Variants in TAF4B observed in about 807,000 individuals in gnomAD.
The protein encoded by TAF4B is transcription initiation factor TFIID subunit 4B.
A neutral mutation model predicts 86.4 loss-of-function variants in TAF4B; 38 were observed. The observed-to-expected ratio is 0.44, with a 90% confidence interval of 0.34 to 0.58. The LOEUF is 0.58. Among genes scored for constraint, TAF4B ranks in the 20% least tolerant of loss-of-function variants. The pLI is 0.02. For synonymous variants in TAF4B, 388 were observed against 391.2 expected (o/e 0.99, Z 0.10); for missense variants, 988 against 1,027.6 (o/e 0.96, Z 0.53).
intron 1 of TAF4B, among the ~76,000 whole-genome samples, chr18:26,248,156 G>A (rs1363773007): frequency 1.2e-4 from 4 of 34,554 alleles, no homozygotes; most frequent in African/African-American, 3.5e-4. Flanking sequence ...GATTACAGGC[G>A]TGAGCGACTG....
intron 14 of TAF4B, among the ~76,000 whole-genome samples, chr18:26,378,378 T>C (rs889086267): frequency 2.6e-5 from 4 of 152,198 alleles, no homozygotes; most frequent in African/African-American, 4.8e-5. Flanking sequence ...TACAAACATC[T>C]TTTCACATAA....
rs1441972669 is a variant in TAF4B at position 26,275,065 on chromosome 18, T to A, written c.882+12T>A. The A allele has an allele frequency of 1.3e-6, 2 of 1,591,308 alleles. No homozygotes were observed. Among genetic ancestry groups the A allele is most frequent in the African/African-American group, 2.7e-5 (2 of 73,566 alleles). On this transcript the variant is annotated intron_variant, in intron 5 of 14. Coordinates refer to ENST00000269142, the MANE Select transcript of TAF4B (RefSeq NM_005640.3). Reference sequence around the variant, plus strand: ...TGGAACAACTTTTGGTAAGTAGTGCTATAAAATCCTGCAAATTCTGGAGGA... The same window carrying A: ...TGGAACAACTTTTGGTAAGTAGTGCAATAAAATCCTGCAAATTCTGGAGGA...
intron 11 of TAF4B, among the ~76,000 whole-genome samples, chr18:26,325,762 C>T (rs1345892378): frequency 6.6e-6 from 1 of 152,048 alleles, no homozygotes; most frequent in Non-Finnish European, 1.5e-5. Flanking sequence ...TATGGTTAGC[C>T]TATAATGTAT....
intron 1 of TAF4B, among the ~76,000 whole-genome samples, chr18:26,246,211 A>G (rs2055921676): frequency 6.6e-6 from 1 of 152,232 alleles, no homozygotes; most frequent in Non-Finnish European, 1.5e-5. Context: ...GGATTTCAAT[A>G]TAGAGAAATG....
intron 9 of TAF4B, among the ~76,000 whole-genome samples, chr18:26,300,304 G>A (rs975904953): frequency 4.1e-5 from 5 of 122,410 alleles, no homozygotes; most frequent in Admixed American, 3.1e-4. Flanking sequence ...TCTAATGTAG[G>A]CATTTATTAT....
intron 13 of TAF4B, among the ~76,000 whole-genome samples, chr18:26,346,773 ATGTGTG>A (rs756189495): frequency 0.032 from 764 of 23,984 alleles, 79 homozygotes; most frequent in Non-Finnish European, 0.052. Flanking sequence ...ATATATATAT[ATGTGTG>A]TGTATATATA....
intron 1 of TAF4B, among the ~76,000 whole-genome samples, chr18:26,236,965 G>C (rs370694898): frequency 6.6e-6 from 1 of 152,128 alleles, no homozygotes; most frequent in East Asian, 1.9e-4. Context: ...TCCCGTAGCC[G>C]CTGGAGCAAG....
chr18:26,295,127 CAATAT>C, intron 9 of TAF4B: 1 of 235,360 alleles, frequency 4.2e-6, no homozygotes, highest in Non-Finnish European at 8.3e-6. Flanking sequence ...ATATATATTT[CAATAT>C]AATATTTGTA....
intron 9 of TAF4B, among the ~76,000 whole-genome samples, chr18:26,311,318 C>T (rs1460522755): frequency 3.3e-5 from 5 of 152,084 alleles, no homozygotes; most frequent in African/African-American, 1.2e-4. Context: ...ATAGATAAGG[C>T]TTTGAAAGCT....
intron 14 of TAF4B, among the ~76,000 whole-genome samples, chr18:26,375,981 A>C (rs1325713373): frequency 1.3e-5 from 2 of 152,114 alleles, no homozygotes; most frequent in African/African-American, 4.8e-5. Flanking sequence ...CCATTGTATG[A>C]TCTCAACAGC....
At chr18:26,255,700 A>T in intron 1 of TAF4B, 1 of 1,563,736 alleles carries the variant, frequency 6.4e-7, no homozygotes, top group Non-Finnish European at 8.6e-7. Flanking sequence ...CTCAGTCACC[A>T]CTCCTGAGTG....
chr18:26,256,937 G>A (rs1035086108), intron 1 of TAF4B, among the ~76,000 whole-genome samples: 1 of 151,574 alleles, frequency 6.6e-6, no homozygotes, highest in African/African-American at 2.4e-5. Flanking sequence ...TTTCAATGGC[G>A]AAAACCGTGA....
At chr18:26,292,118 A>C in intron 7 of TAF4B, 128 bp from the exon 8 acceptor site, 1 of 985,426 alleles carries the variant, frequency 1.0e-6, no homozygotes, top group South Asian at 2.5e-5. Flanking sequence ...AATTTAAAGT[A>C]GGCATTCTTG....
At chr18:26,368,172 A>G (rs1477588604) in intron 14 of TAF4B, among the ~76,000 whole-genome samples, 3 of 152,174 alleles carry the variant, frequency 2.0e-5, no homozygotes, top group Non-Finnish European at 4.4e-5. Flanking sequence ...TATAACTTAG[A>G]AATGTGTACA....
rs771953203 is a variant in TAF4B, at chr18:26,292,259, C to T, written c.1604C>T (p.Pro535Leu). 1.9e-6 allele frequency: 3 copies of T among 1,613,940 alleles called. No individual in the cohort carries two copies. The highest frequency in any genetic ancestry group is 2.2e-5 in the South Asian group (2 of 91,036). ...TCATTGTTTCAGGTAGTTCAGCAGC[C>T]TTCAGGAGGCAATGAAAAACAAGTG... is the stretch of plus-strand genomic sequence containing the variant. Reference protein sequence around the residue: ...VQVKQLVVQQPSGGNEKQVTT... With the variant: ...VQVKQLVVQQLSGGNEKQVTT... Residue 535 changes from proline (P) to leucine (L), a missense_variant, in exon 8 of 15, where the codon CCT becomes CTT. By Grantham distance (98) the Pro-to-Leu change is moderately conservative. Around this residue, in one of 3 missense-constraint regions of TAF4B, gnomAD observed 747 missense variants for 737.9 expected, o/e 1.01. Transcript: ENST00000269142.
rs563267717 is a variant in TAF4B at position 26,319,856 on chromosome 18, C to T, written c.2003-1214C>T. 1.4e-4 allele frequency among the ~76,000 whole-genome samples: 21 copies of T among 152,248 alleles called. No homozygotes were observed. The South Asian group carries it at 3.9e-3, about 29-fold the overall frequency. ...CCACCTGCCTTGGCCTCCCAAAGTG[C>T]TGGAATTACAGGCGTGTGCCACCAT... On this transcript the variant is annotated intron_variant, in intron 10 of 14. Transcript: ENST00000269142.
intron 9 of TAF4B, among the ~76,000 whole-genome samples, chr18:26,308,468 G>T (rs1331326459): frequency 6.6e-6 from 1 of 152,144 alleles, no homozygotes; most frequent in Non-Finnish European, 1.5e-5. Context: ...AGTTATATAG[G>T]TAGGAGATAG....
At position 26,244,241 on chromosome 18, in the gene TAF4B, G is replaced by A. The variant is rs190959626; in HGVS notation, c.343+16965G>A. 2.6e-5 allele frequency among the ~76,000 whole-genome samples: 4 copies of A among 152,278 alleles called. No homozygotes were observed. The East Asian group carries it at 5.8e-4, about 22-fold the overall frequency. The stretch of plus-strand genomic sequence containing the variant: ...GGGCTCCACCCAGTTCAAGCTCCCC[G>A]CCACTTTGTTTACCTATTCAAGCCT... On this transcript the variant is annotated intron_variant, in intron 1 of 14. Transcript: ENST00000269142.
intron 1 of TAF4B, among the ~76,000 whole-genome samples, chr18:26,245,497 C>T (rs1036903756): frequency 5.3e-5 from 8 of 152,148 alleles, no homozygotes; most frequent in Non-Finnish European, 1.2e-4. Context: ...TTGGCCCCTC[C>T]CATGTTCCAT....
Sources: gnomAD v4.1 joint callset for allele counts (sites outside exome capture counted in the v4.1 genomes callset) on GRCh38, gnomAD v4.1.1 for gene constraint, gnomAD v4.1.1 regional missense constraint, MANE v1.5 for transcripts, NCBI Gene and HGNC (gene_info 2026-07-23, HGNC 2026-07-21) for gene names.